The following APOL1 variants were observed in gnomAD, a reference collection of about 807,000 sequenced individuals.
APOL1 encodes apolipoprotein L1.
APOL1 carries 17 observed loss-of-function variants against 14.9 expected under a neutral mutation model. The ratio of observed to expected loss-of-function variants is 1.14; its 90% CI spans 0.78 to 1.71. APOL1 has a LOEUF of 1.71. APOL1 is among the 40% of genes most tolerant of loss of function. The probability of loss-of-function intolerance (pLI) is 0.00; values close to 1 mark genes in which losing one functional copy is unlikely to be tolerated. For synonymous variants in APOL1, 195 were observed against 184.8 expected, an observed-to-expected ratio of 1.05 and a Z score of -0.45; for missense variants, 523 against 485.9, an observed-to-expected ratio of 1.08 and a Z score of -0.72.
chr22:36,262,964 C>T lies in APOL1; in HGVS notation c.314+1242C>T, dbSNP rs148255262. Among the ~76,000 whole-genome samples the T allele has an allele frequency of 2.3e-3, 345 of 152,342 alleles. 3 individuals carry two copies. The highest frequency in any genetic ancestry group is 7.5e-3 in the African/African-American group (312 of 41,580). The stretch of plus-strand genomic sequence containing the variant: ...CCAAGGAGGAAAACACTTCCTCTAC[C>T]ATCTTGTCCAAATTCAGGTCTTTTC... On this transcript the variant is annotated intron_variant, in intron 5 of 5. Transcript: ENST00000397278.
At chr22:36,262,962 A>G (rs1034298227) in intron 5 of APOL1, among the ~76,000 whole-genome samples, 1 of 152,266 alleles carries the variant, frequency 6.6e-6, no homozygotes, top group Admixed American at 6.5e-5. Flanking sequence ...CACTTCCTCT[A>G]CCATCTTGTC....
chr22:36,262,891 C>T (rs2016120856), intron 5 of APOL1, among the ~76,000 whole-genome samples: 1 of 152,172 alleles, frequency 6.6e-6, no homozygotes, highest in Non-Finnish European at 1.5e-5. Flanking sequence ...TTAGTTGCTG[C>T]CAATTTGTGT....
At chr22:36,256,495 C>G (rs1057008969) in intron 2 of APOL1, among the ~76,000 whole-genome samples, 1 of 152,216 alleles carries the variant, frequency 6.6e-6, no homozygotes, top group Non-Finnish European at 1.5e-5. Context: ...GACAGGGCAG[C>G]ACCAGGAGGG....
At position 36,265,878 on chromosome 22, in the gene APOL1, G is replaced by C. The variant is rs1175024540; in HGVS notation, c.1042G>C (p.Asp348His). 6.2e-7 allele frequency: 1 copy of C among 1,614,050 alleles called. No homozygotes were observed. Among genetic ancestry groups the C allele is most frequent in the Admixed American group, 1.7e-5 (1 of 60,006 alleles). ...CCCTGTAAGCTTCTTTCTTGTGCTGGATGTAGTCTACCTCGTGTACGAATC... is the reference window on the plus strand; with the variant it reads ...CCCTGTAAGCTTCTTTCTTGTGCTGCATGTAGTCTACCTCGTGTACGAATC... ...VAPVSFFLVL[D>H]VVYLVYESKH... The change falls in exon 6 of 6, where the codon GAT becomes CAT. Residue 348 changes from aspartate to histidine, a missense_variant. Transcript: ENST00000397278.
intron 5 of APOL1, among the ~76,000 whole-genome samples, chr22:36,263,727 A>G (rs2016145107): frequency 6.6e-6 from 1 of 152,232 alleles, no homozygotes; most frequent in Admixed American, 6.5e-5. Context: ...CCAGAAATGA[A>G]GCCTTTTTTC....
intron 4 of APOL1, among the ~76,000 whole-genome samples, chr22:36,258,157 C>G (rs534022857): frequency 7.9e-5 from 12 of 152,294 alleles, no homozygotes; most frequent in Non-Finnish European, 1.2e-4. Context: ...CGTCCCCCCC[C>G]AGCTGTGTTA....
At chr22:36,259,313 GTTCC>G (rs1289506980) in intron 4 of APOL1, among the ~76,000 whole-genome samples, 1 of 152,196 alleles carries the variant, frequency 6.6e-6, no homozygotes, top group African/African-American at 2.4e-5. Context: ...AGTGCCAGAG[GTTCC>G]TTCCATCCAA....
intron 5 of APOL1, among the ~76,000 whole-genome samples, chr22:36,264,077 C>G (rs766880333): frequency 1.2e-4 from 18 of 152,096 alleles, no homozygotes; most frequent in Non-Finnish European, 2.1e-4. Context: ...AGGCCAAGGT[C>G]GGCGCCTAGT....
intron 4 of APOL1, chr22:36,257,696 C>CGGGG (rs71193213): frequency 1.9e-5 from 4 of 211,720 alleles, no homozygotes; most frequent in African/African-American, 1.6e-4. Context: ...GTGGAATCAG[C>CGGGG]GGGGGGGGGG....
chr22:36,261,089 C>A lies in APOL1; in HGVS notation c.188-507C>A, dbSNP rs570699574. ...CATTCCTCTCCAAAGCACCATGGCA[C>A]TCCCCTGGTGTTTCAATGTTCTCAG... On this transcript the variant is annotated intron_variant, in intron 4 of 5. Coordinates refer to ENST00000397278, the MANE Select transcript of APOL1 (RefSeq NM_003661.4). Among the ~76,000 whole-genome samples the A allele has an allele frequency of 2.0e-5, 3 of 152,328 alleles. No homozygotes were observed. In the South Asian group the frequency reaches 6.2e-4, roughly 32 times the overall value.
At chr22:36,253,271 G>A (rs553571778) in intron 1 of APOL1, 52 bp downstream of exon 1, 4 of 356,954 alleles carry the variant, frequency 1.1e-5, no homozygotes, top group South Asian at 8.7e-5. Flanking sequence ...AGCTTTTGTA[G>A]ATAAGCTGGG....
chr22:36,266,023 A>G lies in APOL1; in HGVS notation c.1187A>G (p.Gln396Arg). The G allele has an allele frequency of 6.2e-7, 1 of 1,604,600 alleles. No homozygotes were observed. The highest frequency in any genetic ancestry group is 8.5e-7 in the Non-Finnish European group (1 of 1,174,822). ...AATTATAAGATTCTGCAGGCGGACC[A>G]AGAACTGTGACCACAGGGCAGGGCA... The part of the protein sequence containing the change: ...NNNYKILQAD[Q>R]EL The change falls in exon 6 of 6, where the codon CAA becomes CGA. Residue 396 changes from glutamine (Q) to arginine (R), a missense_variant. Physicochemically the swap from Gln to Arg is conservative, Grantham distance 43. Coordinates refer to ENST00000397278, the MANE Select transcript of APOL1 (RefSeq NM_003661.4).
intron 5 of APOL1, among the ~76,000 whole-genome samples, chr22:36,262,280 C>T (rs190170840): frequency 1.3e-5 from 2 of 152,310 alleles, no homozygotes; most frequent in East Asian, 3.9e-4. Flanking sequence ...CACGGCAGGA[C>T]CCTTCTGCTG....
rs1227665941 is a variant in APOL1, at chr22:36,266,874, C to T, written c.*841C>T. ...GAGCCGAGATATCGCCACTGCACTC[C>T]AGCCTGGGTGACAGAGCGAGACTCC... On this transcript the variant is annotated 3_prime_UTR_variant, in exon 6 of 6. Coordinates refer to ENST00000397278, the MANE Select transcript of APOL1 (RefSeq NM_003661.4). The T allele has an allele frequency of 1.3e-5, 3 of 225,908 alleles. No individual in the cohort carries two copies. The highest frequency in any genetic ancestry group is 2.5e-5 in the Non-Finnish European group (3 of 118,090). 14.0% of individuals were successfully genotyped at this position (225,908 alleles called of 1,614,324 possible).
chr22:36,256,031 C>A (rs972197441), intron 2 of APOL1, among the ~76,000 whole-genome samples: 18 of 152,156 alleles, frequency 1.2e-4, no homozygotes, highest in African/African-American at 3.9e-4. Flanking sequence ...CTTAACTTCC[C>A]TCTTTAAAAA....
intron 5 of APOL1, among the ~76,000 whole-genome samples, chr22:36,264,670 G>C (rs1164362219): frequency 6.6e-6 from 1 of 152,144 alleles, no homozygotes; most frequent in East Asian, 1.9e-4. Flanking sequence ...TATCTATGAT[G>C]AACAAAATGT....
chr22:36,255,419 C>A lies in APOL1; in HGVS notation c.44+420C>A, dbSNP rs567672535. Among the ~76,000 whole-genome samples the A allele has an allele frequency of 2.0e-5, 3 of 152,394 alleles. No homozygotes were observed. The South Asian group carries it at 6.2e-4, about 32-fold the overall frequency. Reference sequence around the variant, plus strand: ...CTGGCCTAGGGGATCACACAGTGAACAAAGCAGGAAGAAGGCGAAGGGATG... The same window carrying A: ...CTGGCCTAGGGGATCACACAGTGAAAAAAGCAGGAAGAAGGCGAAGGGATG... On this transcript the variant is annotated intron_variant, in intron 2 of 5. Coordinates refer to ENST00000397278, the MANE Select transcript of APOL1 (RefSeq NM_003661.4).
rs775820342 is a variant in APOL1, at chr22:36,265,893, G to A, written c.1057G>A (p.Val353Met). The A allele has an allele frequency of 7.2e-5, 116 of 1,614,024 alleles. No individual in the cohort carries two copies. The highest frequency in any genetic ancestry group is 1.3e-4 in the Admixed American group (8 of 59,994). ...FFLVLDVVYL[V>M]YESKHLHEGA... ...TCTTGTGCTGGATGTAGTCTACCTC[G>A]TGTACGAATCAAAGCACTTACATGA... is the stretch of plus-strand genomic sequence containing the variant. Residue 353 changes from valine (V) to methionine (M), a missense_variant, in exon 6 of 6, where the codon GTG becomes ATG. Transcript: ENST00000397278.
intron 1 of APOL1, 66 bp downstream of exon 1, chr22:36,253,285 G>T: frequency 3.1e-6 from 1 of 324,592 alleles, no homozygotes; most frequent in Non-Finnish European, 6.1e-6. Context: ...AGCTGGGAGA[G>T]GTTAGGTGAC....
Sources: allele counts gnomAD v4.1 joint callset (sites outside exome capture counted in the v4.1 genomes callset), GRCh38; gene constraint gnomAD v4.1.1; transcripts MANE v1.5; gene names NCBI Gene and HGNC (gene_info 2026-07-23, HGNC 2026-07-21).